Variants in PIEZO2 observed in about 807,000 individuals in gnomAD.
The protein encoded by PIEZO2 is piezo-type mechanosensitive ion channel component 2.
A neutral mutation model predicts 337.3 loss-of-function variants in PIEZO2; 172 were observed. The observed-to-expected ratio is 0.51, with a 90% CI of 0.45 to 0.58. The LOEUF (loss-of-function observed/expected upper bound fraction) is 0.58. PIEZO2 is among the 20% of genes least tolerant of loss of function. PIEZO2 has a pLI of 0.00. For missense variants in PIEZO2, 3,028 were observed against 3,391.3 expected, an observed-to-expected ratio of 0.89 and a Z score of 2.66; for synonymous variants, 1,251 against 1,228.5, an observed-to-expected ratio of 1.02 and a Z score of -0.38.
chr18:10,974,575 A>G (rs2034366101), intron 3 of PIEZO2, among the ~76,000 whole-genome samples: 1 of 152,252 alleles, frequency 6.6e-6, no homozygotes, highest in Non-Finnish European at 1.5e-5. Context: ...GGAGGAAACA[A>G]TCTTACACAC....
chr18:10,738,612 G>T (rs1403991509), intron 33 of PIEZO2: 1 of 152,216 alleles, frequency 6.6e-6, no homozygotes, highest in East Asian at 1.9e-4. Context: ...ACACGTGTTT[G>T]TTAGCTCAGA....
At chr18:10,939,816 A>T (rs1205271083) in intron 3 of PIEZO2, among the ~76,000 whole-genome samples, 1 of 152,180 alleles carries the variant, frequency 6.6e-6, no homozygotes, top group Non-Finnish European at 1.5e-5. Flanking sequence ...TACCTAATGC[A>T]TGGGGAGCTT....
rs2039407844 is a variant in PIEZO2 at position 11,101,098 on chromosome 18, G to T, written c.65-34876C>A. Reference sequence around the variant, plus strand: ...CCAGGGGACAGATGAGTCCCATGTGGCCAGAGTCTGGTTCAGATGTTTCAT... The same window carrying T: ...CCAGGGGACAGATGAGTCCCATGTGTCCAGAGTCTGGTTCAGATGTTTCAT... On this transcript the variant is annotated intron_variant, in intron 1 of 55. Coordinates refer to ENST00000674853, the MANE Select transcript of PIEZO2 (RefSeq NM_001378183.1). This position sits in a 1 kb window ranked among gnomAD's most constrained non-coding sequence, Gnocchi z 4.4. 6.6e-6 allele frequency among the ~76,000 whole-genome samples: 1 copy of T among 152,156 alleles called. No individual in the cohort carries two copies. The highest frequency in any genetic ancestry group is 1.5e-5 in the Non-Finnish European group (1 of 68,030).
At position 10,910,065 on chromosome 18, in the gene PIEZO2, A is replaced by G. The variant is rs117781890; in HGVS notation, c.329+1121T>C. ...TCAAGTATTTTATTATTTCCTTTGTATACTTTAAGTGCTCTGTCAGCTTCA... is the reference window on the plus strand; with the variant it reads ...TCAAGTATTTTATTATTTCCTTTGTGTACTTTAAGTGCTCTGTCAGCTTCA... On this transcript the variant is annotated intron_variant, in intron 4 of 55. Transcript: ENST00000674853. Among the ~76,000 whole-genome samples the G allele has an allele frequency of 7.0e-4, 107 of 152,322 alleles. 1 individual carries two copies. The East Asian group carries it at 0.01, about 14-fold the overall frequency.
At chr18:10,814,799 G>C (rs2040312294) in intron 7 of PIEZO2, among the ~76,000 whole-genome samples, 2 of 152,184 alleles carry the variant, frequency 1.3e-5, no homozygotes, top group South Asian at 4.1e-4. Context: ...CAGTGGCCAT[G>C]ATGACTGGCC....
At chr18:11,135,580 C>T (rs2040459458) in intron 1 of PIEZO2, among the ~76,000 whole-genome samples, 1 of 152,162 alleles carries the variant, frequency 6.6e-6, no homozygotes, top group Non-Finnish European at 1.5e-5. Flanking sequence ...TGGAGTCTAG[C>T]TCTGTTGCCC....
At chr18:10,712,587 T>C (rs1206520491) in intron 39 of PIEZO2, among the ~76,000 whole-genome samples, 1 of 152,206 alleles carries the variant, frequency 6.6e-6, no homozygotes, top group African/African-American at 2.4e-5. Context: ...AGACAGAAGC[T>C]CCCCTTTCAA....
chr18:10,886,995 C>T (rs1384276322), intron 4 of PIEZO2, among the ~76,000 whole-genome samples: 1 of 150,350 alleles, frequency 6.7e-6, no homozygotes, highest in East Asian at 2.0e-4. Context: ...AAAGGGGAAA[C>T]AGGCACATCA....
At position 10,973,813 on chromosome 18, in the gene PIEZO2, T is replaced by C. The variant is rs1241084205; in HGVS notation, c.286+5722A>G. On this transcript the variant is annotated intron_variant, in intron 3 of 55. Transcript: ENST00000674853. The surrounding 1 kb of genome is among the most constrained non-coding windows in gnomAD (Gnocchi z 4.9). ...TGGTTTCAAAAAATGACTCAGAACATGCAGGGTGTGAGTTTGCTTTTATAT... is the reference window on the plus strand; with the variant it reads ...TGGTTTCAAAAAATGACTCAGAACACGCAGGGTGTGAGTTTGCTTTTATAT... Among the ~76,000 whole-genome samples, 1 of 152,158 alleles carries C rather than the reference T, an allele frequency of 6.6e-6. No homozygotes were observed. The highest frequency in any genetic ancestry group is 1.5e-5 in the Non-Finnish European group (1 of 68,014).
At chr18:11,042,500 G>A (rs1354056284) in intron 2 of PIEZO2, among the ~76,000 whole-genome samples, 1 of 152,240 alleles carries the variant, frequency 6.6e-6, no homozygotes, top group African/African-American at 2.4e-5. Flanking sequence ...CCAGTGACCA[G>A]TGTCGGTTTC....
intron 2 of PIEZO2, among the ~76,000 whole-genome samples, chr18:11,023,187 G>A (rs2036378660): frequency 6.6e-6 from 1 of 152,146 alleles, no homozygotes; most frequent in African/African-American, 2.4e-5. Flanking sequence ...CGACCCAGTT[G>A]CCACTGCTGG....
chr18:10,926,054 G>C (rs2031714479), intron 3 of PIEZO2, among the ~76,000 whole-genome samples: 1 of 152,176 alleles, frequency 6.6e-6, no homozygotes, highest in Non-Finnish European at 1.5e-5. Context: ...AGCTCCCCAG[G>C]CTTCCTTCTC....
At chr18:10,691,768 A>AACACACACAC (rs1339141004) in intron 47 of PIEZO2, among the ~76,000 whole-genome samples, 3 of 75,436 alleles carry the variant, frequency 4.0e-5, no homozygotes, top group East Asian at 5.0e-4. Context: ...AATATATATA[A>AACACACACAC]ACACACACAC....
At chr18:10,848,845 C>T (rs2041446327) in intron 7 of PIEZO2, among the ~76,000 whole-genome samples, 1 of 152,154 alleles carries the variant, frequency 6.6e-6, no homozygotes, top group African/African-American at 2.4e-5. Context: ...CAAGTGTTTA[C>T]ATTATGATGA....
At chr18:11,008,953 T>A (rs1211021252) in intron 2 of PIEZO2, among the ~76,000 whole-genome samples, 1 of 152,254 alleles carries the variant, frequency 6.6e-6, no homozygotes, top group Admixed American at 6.5e-5. Context: ...TTCAGCTGAT[T>A]AATTCAATAG....
intron 3 of PIEZO2, among the ~76,000 whole-genome samples, chr18:10,914,486 AGATT>A (rs1394967241): frequency 3.3e-5 from 5 of 152,174 alleles, no homozygotes; most frequent in Admixed American, 6.5e-5. Context: ...AATCATCTGT[AGATT>A]AATTATAATA....
At chr18:10,738,678 T>C (rs1268501005) in intron 33 of PIEZO2, 1 of 152,250 alleles carries the variant, frequency 6.6e-6, no homozygotes, top group African/African-American at 2.4e-5. Context: ...TTGATGTTAC[T>C]GCTAAATTAC....
intron 4 of PIEZO2, among the ~76,000 whole-genome samples, chr18:10,884,723 A>G (rs2042524268): frequency 6.6e-6 from 1 of 152,228 alleles, no homozygotes; most frequent in African/African-American, 2.4e-5. Flanking sequence ...TGCATCGAAT[A>G]ACTTAAGAAA....
chr18:10,846,228 C>CA lies in PIEZO2; in HGVS notation c.917+9124dup, dbSNP rs1235875587. 1.1e-4 allele frequency among the ~76,000 whole-genome samples: 17 copies of CA among 152,266 alleles called. No homozygotes were observed. Among genetic ancestry groups the CA allele is most frequent in the South Asian group, 4.1e-4 (2 of 4,824 alleles). On this transcript the variant is annotated intron_variant, in intron 7 of 55. Transcript: ENST00000674853. This position sits in a 1 kb window ranked among gnomAD's most constrained non-coding sequence, Gnocchi z 4.1. ...AATCATGGCAGAAGGCAAGGAGGAG[C>CA]AAGTCACATCTTACACAGATGGCAG... is the stretch of plus-strand genomic sequence containing the variant.
Sources: gnomAD v4.1 joint callset for allele counts (sites outside exome capture counted in the v4.1 genomes callset) on GRCh38, gnomAD v4.1.1 for gene constraint, Gnocchi (gnomAD v3.1) non-coding constraint, MANE v1.5 for transcripts, NCBI Gene and HGNC (gene_info 2026-07-23, HGNC 2026-07-21) for gene names.